Variants in INA observed in about 807,000 individuals in gnomAD.
The protein encoded by INA is internexin neuronal intermediate filament protein alpha.
A neutral mutation model predicts 40.1 loss-of-function variants in INA; 35 were observed. The ratio of observed to expected loss-of-function variants is 0.87; its 90% CI spans 0.67 to 1.16. The LOEUF (loss-of-function observed/expected upper bound fraction) is 1.16, where lower values mean the gene tolerates loss of function less well. INA is among the 50% of genes most tolerant of loss of function. INA has a pLI of 0.00. For missense variants in INA, 594 were observed against 686.7 expected (o/e 0.87, Z 1.51); for synonymous variants, 290 against 316.9 (o/e 0.92, Z 0.90).
At chr10:103,279,776 C>A (rs1443553170) in intron 1 of INA, among the ~76,000 whole-genome samples, 2 of 152,130 alleles carry the variant, frequency 1.3e-5, no homozygotes, top group Non-Finnish European at 1.5e-5. Flanking sequence ...AGGAAAAAAG[C>A]CTGCTTGGAC....
chr10:103,288,300 T>TG (rs2093091250), intron 2 of INA, 60 bp from the exon 3 acceptor site: 1 of 1,418,374 alleles, frequency 7.1e-7, no homozygotes, highest in East Asian at 2.3e-5. Context: ...ATTGGAGGGT[T>TG]GAGTTCTGGG....
rs1236392595 is a variant in INA, at chr10:103,277,805, G to A, written c.594G>A (p.Ala198=). ...GREGAERALK[A]QQRDVDGATL... ...AAGGCGCCGAGCGCGCCCTGAAGGC[G>A]CAGCAGCGCGACGTGGACGGCGCCA... is the stretch of plus-strand genomic sequence containing the variant. Residue 198 remains alanine (A), a synonymous_variant, in exon 1 of 3, where the codon GCG becomes GCA. Transcript: ENST00000369849. The surrounding 1 kb of genome is among the most constrained non-coding windows in gnomAD (Gnocchi z 5.6). 2.6e-6 allele frequency: 4 copies of A among 1,533,530 alleles called. No homozygotes were observed. Among genetic ancestry groups the A allele is most frequent in the East Asian group, 5.0e-5 (2 of 40,386 alleles). 95.0% of individuals were successfully genotyped at this position (1,533,530 alleles called of 1,614,324 possible). A position where few individuals can be genotyped will look rare whatever the true frequency, so the allele number is the denominator to read the frequency against.
intron 1 of INA, among the ~76,000 whole-genome samples, chr10:103,279,491 G>A (rs1048445439): frequency 6.6e-6 from 1 of 152,186 alleles, no homozygotes; most frequent in African/African-American, 2.4e-5. Context: ...AGGGGACAGG[G>A]TAAATGGAAG....
Position 103,287,130 on chromosome 10 carries a change from G to A in INA, c.1161G>A (p.Met387Ile). The A allele has an allele frequency of 1.2e-6, 2 of 1,613,710 alleles. No individual in the cohort carries two copies. Among genetic ancestry groups the A allele is most frequent in the Non-Finnish European group, 8.5e-7 (1 of 1,179,840 alleles). ...ACCAGGACTTGCTCAATGTCAAAAT[G>A]GCTCTTGACATTGAGATAGCAGCTT... ...REYQDLLNVK[M>I]ALDIEIAAYR... The change falls in exon 2 of 3, where the codon ATG becomes ATA. Residue 387 changes from methionine to isoleucine, a missense_variant. By Grantham distance (10) the Met-to-Ile change is conservative. Around this residue, in one of 2 missense-constraint regions of INA, gnomAD observed 379 missense variants for 496.1 expected, o/e 0.76. Transcript: ENST00000369849.
chr10:103,280,983 G>C, intron 1 of INA: 1 of 944,510 alleles, frequency 1.1e-6, no homozygotes, highest in Non-Finnish European at 1.3e-6. Flanking sequence ...TTCCTTGAAA[G>C]ACCTTGCTGA....
chr10:103,288,737 T>C lies in INA; in HGVS notation c.*68T>C. On this transcript the variant is annotated 3_prime_UTR_variant, in exon 3 of 3. Coordinates refer to ENST00000369849, the MANE Select transcript of INA (RefSeq NM_032727.4). The stretch of plus-strand genomic sequence containing the variant: ...TGCATTTGACTTGTTAAACAGCCTA[T>C]TCCTGAACTATAACACCTGCCACCA... 3.0e-6 allele frequency: 3 copies of C among 1,002,242 alleles called. No homozygotes were observed. In the South Asian group the frequency reaches 5.0e-5, roughly 17 times the overall value. 62.1% of individuals were successfully genotyped at this position (1,002,242 alleles called of 1,614,324 possible). A position where few individuals can be genotyped will look rare whatever the true frequency, so the allele number is the denominator to read the frequency against.
chr10:103,285,017 C>G (rs1162275000), intron 1 of INA, among the ~76,000 whole-genome samples: 1 of 151,750 alleles, frequency 6.6e-6, no homozygotes, highest in Non-Finnish European at 1.5e-5. Context: ...GAGTTTCATT[C>G]TTGTTGTCCA....
chr10:103,277,421 G>T lies in INA; in HGVS notation c.210G>T (p.Pro70=), dbSNP rs750525367. 2 of 1,560,766 alleles carry T rather than the reference G, an allele frequency of 1.3e-6. No individual in the cohort carries two copies. The highest frequency in any genetic ancestry group is 1.9e-5 in the Admixed American group (1 of 53,430). The part of the protein sequence containing the change: ...LGLGLAYRRP[P]ASDGLDLSQA... ...TCGGCCTGGCCTATCGCCGGCCGCCGGCGTCCGACGGGCTGGACCTGAGCC... is the reference window on the plus strand; with the variant it reads ...TCGGCCTGGCCTATCGCCGGCCGCCTGCGTCCGACGGGCTGGACCTGAGCC... The change falls in exon 1 of 3, where the codon CCG becomes CCT. Residue 70 remains proline (P), a synonymous_variant. Transcript: ENST00000369849. The surrounding 1 kb of genome is among the most constrained non-coding windows in gnomAD (Gnocchi z 5.6).
At position 103,288,599 on chromosome 10, in the gene INA, C is replaced by G. The variant is rs2093092376; in HGVS notation, c.1430C>G (p.Thr477Arg). 6.2e-7 allele frequency: 1 copy of G among 1,610,686 alleles called. No individual in the cohort carries two copies. The highest frequency in any genetic ancestry group is 1.3e-5 in the African/African-American group (1 of 74,624). Residue 477 changes from threonine to arginine, a missense_variant, in exon 3 of 3, where the codon ACA becomes AGA. Physicochemically the swap from Thr to Arg is moderately conservative, Grantham distance 71. This residue lies in a region of INA where 379 missense variants were observed against 496.1 expected (regional missense o/e 0.76). Coordinates refer to ENST00000369849, the MANE Select transcript of INA (RefSeq NM_032727.4). ...AGTTTTGAAGAAATATTAGAGGAGA[C>G]AGTAATATCTACTAAGAAAACCGAG... The part of the protein sequence containing the change: ...GESFEEILEE[T>R]VISTKKTEKS...
chr10:103,277,270 G>C lies in INA; in HGVS notation c.59G>C (p.Gly20Ala). ...TCCTCCTCCTACCGCAAGGTGTTCG[G>C]GGATGGCTCTCGCCTGTCCGCCCGC... Reference protein sequence around the residue: ...CSSSSYRKVFGDGSRLSARLS... With the variant: ...CSSSSYRKVFADGSRLSARLS... The change falls in exon 1 of 3, where the codon GGG becomes GCG. Residue 20 changes from glycine (G) to alanine (A), a missense_variant. Transcript: ENST00000369849. The surrounding 1 kb of genome is among the most constrained non-coding windows in gnomAD (Gnocchi z 5.6). 1 of 1,594,218 alleles carries C rather than the reference G, an allele frequency of 6.3e-7. No homozygotes were observed. The highest frequency in any genetic ancestry group is 8.5e-7 in the Non-Finnish European group (1 of 1,174,156).
rs1379858479 is a variant in INA, at chr10:103,288,481, A to G, written c.1312A>G (p.Lys438Glu). 6.2e-7 allele frequency: 1 copy of G among 1,614,104 alleles called. No homozygotes were observed. The highest frequency in any genetic ancestry group is 8.5e-7 in the Non-Finnish European group (1 of 1,180,028). The stretch of plus-strand genomic sequence containing the variant: ...TAGAATCCTCAGTGCTACAACCTCC[A>G]AAGTCTCATCCACTGGGCTATCACT... ...PPRILSATTSKVSSTGLSLKK... is the reference protein window; with the variant it reads ...PPRILSATTSEVSSTGLSLKK... Residue 438 changes from lysine to glutamate, a missense_variant, in exon 3 of 3, where the codon AAA becomes GAA. Coordinates refer to ENST00000369849, the MANE Select transcript of INA (RefSeq NM_032727.4).
Position 103,277,533 on chromosome 10 carries a change from T to C in INA, c.322T>C (p.Phe108Leu). 1 of 1,585,844 alleles carries C rather than the reference T, an allele frequency of 6.3e-7. No homozygotes were observed. Among genetic ancestry groups the C allele is most frequent in the African/African-American group, 1.4e-5 (1 of 72,138 alleles). ...GGGCCTCAACGACCGCTTCGCCGTG[T>C]TCATCGAGAAGGTGCATCAGCTGGA... ...LQGLNDRFAV[F>L]IEKVHQLETQ... Residue 108 changes from phenylalanine to leucine, a missense_variant, in exon 1 of 3, where the codon TTC (phenylalanine) becomes CTC (leucine). Coordinates refer to ENST00000369849, the MANE Select transcript of INA (RefSeq NM_032727.4). This position sits in a 1 kb window ranked among gnomAD's most constrained non-coding sequence, Gnocchi z 5.6.
At chr10:103,282,198 A>T (rs1430364418) in intron 1 of INA, among the ~76,000 whole-genome samples, 1 of 152,254 alleles carries the variant, frequency 6.6e-6, no homozygotes, top group Non-Finnish European at 1.5e-5. Context: ...TCTGCAACAT[A>T]GAAGTTCAAG....
chr10:103,288,112 A>G (rs1183721455), intron 2 of INA, among the ~76,000 whole-genome samples: 4 of 152,232 alleles, frequency 2.6e-5, no homozygotes, highest in Admixed American at 2.0e-4. Context: ...ATATTTGTGA[A>G]CAGGATAGGT....
rs1592041772 is a variant in INA at position 103,278,137 on chromosome 10, G to T, written c.926G>T (p.Arg309Leu). The T allele has an allele frequency of 1.9e-6, 3 of 1,613,122 alleles. No homozygotes were observed. Among genetic ancestry groups the T allele is most frequent in the South Asian group, 2.2e-5 (2 of 91,068 alleles). Reference protein sequence around the residue: ...ARSTEAIRASREEIHEYRRQL... With the variant: ...ARSTEAIRASLEEIHEYRRQL... ...AGCACCGAGGCCATCCGGGCCAGCC[G>T]CGAGGAGATCCACGAGTATCGGCGC... is the stretch of plus-strand genomic sequence containing the variant. The change falls in exon 1 of 3, where the codon CGC becomes CTC. Residue 309 changes from arginine (R) to leucine (L), a missense_variant. Arg to Leu is a moderately radical substitution (Grantham distance 102). This residue lies in a region of INA where 379 missense variants were observed against 496.1 expected (regional missense o/e 0.76). Coordinates refer to ENST00000369849, the MANE Select transcript of INA (RefSeq NM_032727.4). The surrounding 1 kb of genome is among the most constrained non-coding windows in gnomAD (Gnocchi z 4.9).
Position 103,277,712 on chromosome 10 carries a change from G to A in INA, c.501G>A (p.Glu167=), listed in dbSNP as rs1564713507. The change falls in exon 1 of 3, where the codon GAG becomes GAA. Residue 167 remains glutamate (E), a synonymous_variant. Transcript: ENST00000369849. The surrounding 1 kb of genome is among the most constrained non-coding windows in gnomAD (Gnocchi z 5.6). The part of the protein sequence containing the change: ...ASSARSQALL[E]RDGLAEEVQR... ...CGGCTCGCTCGCAGGCCCTGCTGGAGCGCGACGGGCTGGCGGAGGAGGTGC... is the reference window on the plus strand; with the variant it reads ...CGGCTCGCTCGCAGGCCCTGCTGGAACGCGACGGGCTGGCGGAGGAGGTGC... The A allele has an allele frequency of 1.4e-6, 2 of 1,388,710 alleles. No individual in the cohort carries two copies. Among genetic ancestry groups the A allele is most frequent in the African/African-American group, 1.5e-5 (1 of 65,356 alleles). The allele number at this position is 1,388,710 out of a possible 1,614,324, so 86.0% of individuals were successfully genotyped here.
intron 1 of INA, among the ~76,000 whole-genome samples, chr10:103,285,932 A>G (rs746543115): frequency 6.6e-6 from 1 of 152,064 alleles, no homozygotes; most frequent in Non-Finnish European, 1.5e-5. Context: ...TGAATCTTCT[A>G]TGACAAGGAG....
At chr10:103,279,530 T>C (rs1182469864) in intron 1 of INA, among the ~76,000 whole-genome samples, 1 of 152,204 alleles carries the variant, frequency 6.6e-6, no homozygotes, top group Non-Finnish European at 1.5e-5. Context: ...ATAGTGTGGT[T>C]CGGTTTCAAG....
At chr10:103,281,782 A>G (rs1053133139) in intron 1 of INA, among the ~76,000 whole-genome samples, 4 of 152,210 alleles carry the variant, frequency 2.6e-5, no homozygotes, top group African/African-American at 9.7e-5. Flanking sequence ...TGCAGATGTT[A>G]GTGTGGCCAT....
Sources: allele counts gnomAD v4.1 joint callset (sites outside exome capture counted in the v4.1 genomes callset), GRCh38; gene constraint gnomAD v4.1.1; regional missense constraint gnomAD v4.1.1; non-coding constraint Gnocchi (gnomAD v3.1); transcripts MANE v1.5; gene names NCBI Gene and HGNC (gene_info 2026-07-23, HGNC 2026-07-21).